The following GDAP2 variants were observed in gnomAD, a reference collection of about 807,000 sequenced individuals.
GDAP2 encodes the protein ganglioside-induced differentiation-associated protein 2.
A neutral mutation model predicts 67.0 loss-of-function variants in GDAP2; 51 were observed. The ratio of observed to expected loss-of-function variants is 0.76; its 90% confidence interval spans 0.61 to 0.96. The LOEUF (loss-of-function observed/expected upper bound fraction) is 0.96, where lower values mean the gene tolerates loss of function less well. Ranked by LOEUF, GDAP2 falls within the 40% of genes least tolerant of loss-of-function variation. GDAP2 has a pLI of 0.00. For synonymous variants in GDAP2, 203 were observed against 207.3 expected, an observed-to-expected ratio of 0.98 and a Z score of 0.18; for missense variants, 547 against 588.3, an observed-to-expected ratio of 0.93 and a Z score of 0.73.
At chr1:117,886,752 A>G in intron 9 of GDAP2, 99 bp from the exon 10 acceptor site, 4 of 723,248 alleles carry the variant, frequency 5.5e-6, no homozygotes, top group Admixed American at 4.6e-5. Context: ...TGAATTTAAA[A>G]GATTGAAAAC....
In GDAP2 at chr1:117,918,647, A is replaced by G; in HGVS notation, c.266T>C (p.Ile89Thr). 6.2e-7 allele frequency: 1 copy of G among 1,609,752 alleles called. No individual in the cohort carries two copies. Among genetic ancestry groups the G allele is most frequent in the Non-Finnish European group, 8.5e-7 (1 of 1,176,098 alleles). The change falls in exon 3 of 14, where the codon ATC (isoleucine) becomes ACC (threonine). Residue 89 changes from isoleucine (I) to threonine (T), a missense_variant. By Grantham distance (89) the Ile-to-Thr change is moderately conservative. Coordinates refer to ENST00000369443, the MANE Select transcript of GDAP2 (RefSeq NM_017686.4). ...LTDKNPVSES[I>T]FMLAGPDLKE... Reference sequence around the variant, plus strand: ...CAAATCAGGCCCTGCAAGCATGAAGATACTTTCTGACACAGGATTCTTATC... The same window carrying G: ...CAAATCAGGCCCTGCAAGCATGAAGGTACTTTCTGACACAGGATTCTTATC...
intron 12 of GDAP2, among the ~76,000 whole-genome samples, chr1:117,881,366 G>A (rs369788715): frequency 7.9e-5 from 12 of 152,044 alleles, no homozygotes; most frequent in African/African-American, 2.9e-4. Context: ...GTATAAGGAA[G>A]AAAATTAAAC....
intron 12 of GDAP2, among the ~76,000 whole-genome samples, chr1:117,880,085 C>T (rs759353992): frequency 6.6e-6 from 1 of 152,126 alleles, no homozygotes; most frequent in Middle Eastern, 3.4e-3. Flanking sequence ...TTCTGGAGGC[C>T]AAGGTGGGAG....
At chr1:117,889,313 CA>C (rs1335581412) in intron 8 of GDAP2, among the ~76,000 whole-genome samples, 2 of 149,760 alleles carry the variant, frequency 1.3e-5, no homozygotes, top group Non-Finnish European at 2.9e-5. Flanking sequence ...ACATATTTAT[CA>C]TTTTTTTTTG....
At chr1:117,892,806 A>G (rs1649131271) in intron 8 of GDAP2, among the ~76,000 whole-genome samples, 1 of 152,098 alleles carries the variant, frequency 6.6e-6, no homozygotes, top group Admixed American at 6.6e-5. Flanking sequence ...ATCACTCTTA[A>G]AAGACTAATA....
intron 2 of GDAP2, 133 bp from the exon 3 acceptor site, chr1:117,918,869 G>C: frequency 2.9e-6 from 2 of 699,950 alleles, no homozygotes; most frequent in Non-Finnish European, 2.4e-6. Context: ...CTAAGCAATA[G>C]TAGAAAAGAA....
chr1:117,877,881 C>G, intron 13 of GDAP2, 128 bp downstream of exon 13: 1 of 1,309,704 alleles, frequency 7.6e-7, no homozygotes, highest in South Asian at 2.8e-5. Context: ...ATGATATTAC[C>G]AAGTTTATTA....
chr1:117,918,791 A>AG, intron 2 of GDAP2, 55 bp from the exon 3 acceptor site: 5 of 1,352,090 alleles, frequency 3.7e-6, no homozygotes, highest in Non-Finnish European at 5.2e-6. Context: ...AAAGAAACCT[A>AG]GTTTCTAATT....
intron 1 of GDAP2, among the ~76,000 whole-genome samples, chr1:117,923,642 A>T (rs1488621624): frequency 6.6e-6 from 1 of 152,204 alleles, no homozygotes; most frequent in East Asian, 1.9e-4. Context: ...TGTGCAGTTT[A>T]ATGAGCTATT....
At chr1:117,892,241 G>T (rs1649112240) in intron 8 of GDAP2, among the ~76,000 whole-genome samples, 1 of 151,840 alleles carries the variant, frequency 6.6e-6, no homozygotes, top group East Asian at 1.9e-4. Flanking sequence ...TCACCAGTTG[G>T]GAAGAAAGAG....
In GDAP2 at chr1:117,903,043, T is replaced by C. The variant is rs76443821; in HGVS notation, c.636+3463A>G. 6.8e-3 allele frequency among the ~76,000 whole-genome samples: 1,036 copies of C among 152,320 alleles called. 9 individuals are homozygous for C. The highest frequency in any genetic ancestry group is 0.023 in the African/African-American group (972 of 41,578). On this transcript the variant is annotated intron_variant, in intron 6 of 13. Coordinates refer to ENST00000369443, the MANE Select transcript of GDAP2 (RefSeq NM_017686.4). The stretch of plus-strand genomic sequence containing the variant: ...TGATGCTACTCTAAGTAGAACTGTT[T>C]TCTTAATTTTTGTTTCCGGATTGGT...
At chr1:117,926,780 T>A (rs2101176713) in intron 1 of GDAP2, among the ~76,000 whole-genome samples, 1 of 152,276 alleles carries the variant, frequency 6.6e-6, no homozygotes, top group South Asian at 2.1e-4. Flanking sequence ...TATGAGCTCA[T>A]ACAAGTAGAT....
intron 13 of GDAP2, among the ~76,000 whole-genome samples, chr1:117,872,002 AC>A (rs1648305419): frequency 3.3e-5 from 5 of 152,264 alleles, no homozygotes; most frequent in African/African-American, 1.2e-4. Flanking sequence ...CAAGAAAAAA[AC>A]AATCCCATTA....
intron 10 of GDAP2, among the ~76,000 whole-genome samples, chr1:117,885,988 G>T (rs1230322817): frequency 6.6e-6 from 1 of 151,942 alleles, no homozygotes; most frequent in African/African-American, 2.4e-5. Flanking sequence ...TAGATTAATG[G>T]GTGTGATCAC....
intron 6 of GDAP2, among the ~76,000 whole-genome samples, chr1:117,901,351 TTA>T (rs1401712389): frequency 6.6e-6 from 1 of 152,238 alleles, no homozygotes; most frequent in African/African-American, 2.4e-5. Context: ...TTGTGTGGAC[TTA>T]TGTTTTCAAT....
rs1648225411 is a variant in GDAP2 at position 117,870,585 on chromosome 1, G to A, written c.1478C>T (p.Pro493Leu). The A allele has an allele frequency of 6.2e-7, 1 of 1,605,720 alleles. No individual in the cohort carries two copies. The highest frequency in any genetic ancestry group is 8.5e-7 in the Non-Finnish European group (1 of 1,172,588). Residue 493 changes from proline (P) to leucine (L), a missense_variant, in exon 14 of 14, where the codon CCA becomes CTA. By Grantham distance (98) the Pro-to-Leu change is moderately conservative. Transcript: ENST00000369443. ...ENGPYYTSYP[P>L]SPDL ...GATGGCAGGTCACAAATCTGGTGATGGGGGATATGATGTATAGTAAGGCCC... is the reference window on the plus strand; with the variant it reads ...GATGGCAGGTCACAAATCTGGTGATAGGGGATATGATGTATAGTAAGGCCC...
chr1:117,876,888 A>C (rs1456745411), intron 13 of GDAP2, among the ~76,000 whole-genome samples: 1 of 152,208 alleles, frequency 6.6e-6, no homozygotes, highest in African/African-American at 2.4e-5. Context: ...AATTGTCTTC[A>C]AAATTTTGAG....
At chr1:117,912,143 T>C in intron 4 of GDAP2, 61 bp from the exon 5 acceptor site, 4 of 945,396 alleles carry the variant, frequency 4.2e-6, no homozygotes, top group Non-Finnish European at 6.9e-6. Flanking sequence ...TACACAACAA[T>C]ATATAAGTAA....
At position 117,923,137 on chromosome 1, in the gene GDAP2, C is replaced by T. The variant is rs772757250; in HGVS notation, c.-67-2713G>A. ...AGGTTATCTCCCTTGTTCCCTGCAT[C>T]GCTGTTATCCTGTTCTTTTTTGAAG... On this transcript the variant is annotated intron_variant, in intron 1 of 13. Coordinates refer to ENST00000369443, the MANE Select transcript of GDAP2 (RefSeq NM_017686.4). Among the ~76,000 whole-genome samples the T allele has an allele frequency of 1.4e-4, 21 of 152,332 alleles. 1 individual carries two copies. The East Asian group carries it at 1.5e-3, about 11-fold the overall frequency.
Sources: allele counts gnomAD v4.1 joint callset (sites outside exome capture counted in the v4.1 genomes callset), GRCh38; gene constraint gnomAD v4.1.1; transcripts MANE v1.5; gene names NCBI Gene and HGNC (gene_info 2026-07-23, HGNC 2026-07-21).